TAB2: variants seen among roughly 807,000 people sequenced by gnomAD.
The protein encoded by TAB2 is TGF-beta activated kinase 1 (MAP3K7) binding protein 2, also known as TGF-beta-activated kinase 1 and MAP3K7-binding protein 2.
TAB2 carries 3 observed loss-of-function variants against 65.0 expected under a neutral mutation model. The ratio of observed to expected loss-of-function variants is 0.05; its 90% CI spans 0.02 to 0.12. TAB2 has a LOEUF of 0.12. Ranked by LOEUF, TAB2 falls within the 10% of genes least tolerant of loss-of-function variation. The probability of loss-of-function intolerance (pLI) is 1.00; values close to 1 mark genes in which losing one functional copy is unlikely to be tolerated. For synonymous variants in TAB2, 298 were observed against 285.1 expected (o/e 1.05, Z -0.46); for missense variants, 623 against 840.3 (o/e 0.74, Z 3.20).
chr6:149,403,275 T>TACAC (rs1170374114), intron 6 of TAB2, among the ~76,000 whole-genome samples: 6 of 43,400 alleles, frequency 1.4e-4, no homozygotes, highest in East Asian at 1.5e-3. Context: ...TATATATATA[T>TACAC]ATATATATAC....
At chr6:149,356,541 T>C (rs1780658382) in intron 1 of TAB2, among the ~76,000 whole-genome samples, 1 of 152,198 alleles carries the variant, frequency 6.6e-6, no homozygotes. Flanking sequence ...GGTTCGTAGG[T>C]GGCACCTTTT....
At chr6:149,276,014 A>G (rs551495245) in intron 1 of TAB2, among the ~76,000 whole-genome samples, 2 of 152,352 alleles carry the variant, frequency 1.3e-5, no homozygotes, top group South Asian at 4.1e-4. Flanking sequence ...AAATGAATAA[A>G]GTATGGACTT....
intron 1 of TAB2, among the ~76,000 whole-genome samples, chr6:149,297,846 T>A (rs1478290562): frequency 6.6e-6 from 1 of 152,216 alleles, no homozygotes; most frequent in African/African-American, 2.4e-5. Context: ...AACCAATATA[T>A]GTTTTAATGA....
chr6:149,308,857 T>C (rs643868), intron 1 of TAB2, among the ~76,000 whole-genome samples: 78,722 of 151,792 alleles, frequency 0.52, 21,006 homozygotes, highest in African/African-American at 0.65. Flanking sequence ...TCTCTGTGCC[T>C]TGTGGGGTTT....
At chr6:149,243,517 A>T (rs1159151333) in intron 1 of TAB2, 1 of 152,240 alleles carries the variant, frequency 6.6e-6, no homozygotes, top group Non-Finnish European at 1.5e-5. Context: ...AAGTTTGTAC[A>T]AATCTTCCCC....
chr6:149,338,602 T>C (rs1299555095), intron 1 of TAB2, among the ~76,000 whole-genome samples: 2 of 152,256 alleles, frequency 1.3e-5, no homozygotes, highest in Non-Finnish European at 2.9e-5. Flanking sequence ...CAACATATTT[T>C]TGCTTCACAT....
chr6:149,243,938 C>T (rs773966368), intron 1 of TAB2: 7 of 152,218 alleles, frequency 4.6e-5, no homozygotes, highest in Non-Finnish European at 1.0e-4. Context: ...GTTCCTCCCT[C>T]CTAGATTATC....
chr6:149,322,522 A>G (rs1166475770), intron 1 of TAB2, among the ~76,000 whole-genome samples: 1 of 152,114 alleles, frequency 6.6e-6, no homozygotes, highest in African/African-American at 2.4e-5. Context: ...AGAAAATCGG[A>G]GTTTTTAATC....
At chr6:149,353,047 A>G (rs1264655380) in intron 1 of TAB2, among the ~76,000 whole-genome samples, 1 of 152,142 alleles carries the variant, frequency 6.6e-6, no homozygotes, top group Non-Finnish European at 1.5e-5. Context: ...GCCTTGTAAA[A>G]TGGAATTACT....
At chr6:149,380,282 A>C (rs1402091423) in intron 3 of TAB2, 1 of 157,272 alleles carries the variant, frequency 6.4e-6, no homozygotes, top group African/African-American at 2.4e-5. Flanking sequence ...ACAACATTTT[A>C]GTCTTATTTT....
chr6:149,397,455 AAT>A, intron 3 of TAB2, 147 bp from the exon 4 acceptor site: 1 of 967,956 alleles, frequency 1.0e-6, no homozygotes, highest in Non-Finnish European at 1.6e-6. Flanking sequence ...AAAAAAAAAA[AAT>A]TGAAATTTTA....
intron 1 of TAB2, among the ~76,000 whole-genome samples, chr6:149,254,393 G>A (rs1562389884): frequency 6.6e-6 from 1 of 152,260 alleles, no homozygotes; most frequent in East Asian, 1.9e-4. Flanking sequence ...GTTTGAGTTA[G>A]CCTTCTGTTT....
In TAB2 at chr6:149,383,740, G is replaced by A. The variant is rs56978259; in HGVS notation, c.1603+4222G>A. Among the ~76,000 whole-genome samples the A allele has an allele frequency of 6.7e-3, 1,022 of 152,194 alleles. 12 individuals are homozygous for A. The highest frequency in any genetic ancestry group is 0.022 in the African/African-American group (929 of 41,526). On this transcript the variant is annotated intron_variant, in intron 3 of 6. Coordinates refer to ENST00000637181, the MANE Select transcript of TAB2 (RefSeq NM_001292034.3). Reference sequence around the variant, plus strand: ...TGTGATTACAGGCACATGCCACCACGCCCAGCTAGTTTTTGTATTTTTAAG... The same window carrying A: ...TGTGATTACAGGCACATGCCACCACACCCAGCTAGTTTTTGTATTTTTAAG...
At chr6:149,255,499 A>G (rs559615513) in intron 1 of TAB2, 1 of 152,378 alleles carries the variant, frequency 6.6e-6, no homozygotes, top group East Asian at 1.9e-4. Flanking sequence ...CATAAGAGTT[A>G]TCTCTGAATT....
chr6:149,405,568 TAAG>T (rs1303150245), intron 6 of TAB2, among the ~76,000 whole-genome samples: 3 of 152,196 alleles, frequency 2.0e-5, no homozygotes, highest in African/African-American at 7.2e-5. Context: ...TACTCAGCCT[TAAG>T]AAAGAAGGAA....
chr6:149,291,051 G>A (rs1270192975), intron 1 of TAB2, among the ~76,000 whole-genome samples: 1 of 152,148 alleles, frequency 6.6e-6, no homozygotes, highest in African/African-American at 2.4e-5. Context: ...CAAAATAATG[G>A]GATGTAAATT....
At chr6:149,270,662 T>C (rs1194428246) in intron 1 of TAB2, among the ~76,000 whole-genome samples, 1 of 152,206 alleles carries the variant, frequency 6.6e-6, no homozygotes. Flanking sequence ...AAAGTAAAAA[T>C]TAACACATTT....
intron 1 of TAB2, among the ~76,000 whole-genome samples, chr6:149,352,260 A>G (rs1276684567): frequency 1.3e-5 from 2 of 152,286 alleles, no homozygotes; most frequent in East Asian, 3.9e-4. Context: ...CTTTTATTTT[A>G]TAATAAGCTT....
intron 1 of TAB2, chr6:149,244,575 G>A (rs143154189): frequency 1.6e-4 from 25 of 152,628 alleles, no homozygotes; most frequent in East Asian, 1.2e-3. Context: ...CAGGCTGGGC[G>A]CAGTGGCTCA....
Sources: allele counts gnomAD v4.1 joint callset (sites outside exome capture counted in the v4.1 genomes callset), GRCh38; gene constraint gnomAD v4.1.1; transcripts MANE v1.5; gene names NCBI Gene and HGNC (gene_info 2026-07-23, HGNC 2026-07-21).